The following NRXN1 variants were observed in gnomAD, a reference collection of about 807,000 sequenced individuals.
The protein encoded by NRXN1 is neurexin 1, also known as neurexin-1.
A neutral mutation model predicts 150.9 loss-of-function variants in NRXN1; 39 were observed. That is an observed-to-expected ratio of 0.26 (90% confidence interval 0.20 to 0.34). NRXN1 has a LOEUF of 0.34. Ranked by LOEUF, NRXN1 falls within the 10% of genes least tolerant of loss-of-function variation. NRXN1 has a pLI of 1.00. For missense variants in NRXN1, 1,815 were observed against 1,949.9 expected (o/e 0.93, Z 1.30); for synonymous variants, 924 against 757.0 (o/e 1.22, Z -3.62).
chr2:49,938,516 C>T (rs1037581078), intron 22 of NRXN1, among the ~76,000 whole-genome samples: 2 of 152,110 alleles, frequency 1.3e-5, no homozygotes, highest in African/African-American at 4.8e-5. Context: ...AATGGGTGAT[C>T]CTTTTCTTCC....
chr2:50,812,913 C>A (rs1020979621), intron 5 of NRXN1, among the ~76,000 whole-genome samples: 1 of 151,726 alleles, frequency 6.6e-6, no homozygotes, highest in African/African-American at 2.4e-5. Flanking sequence ...CTTTTGTAAT[C>A]TCAAAGCTGT....
intron 5 of NRXN1, among the ~76,000 whole-genome samples, chr2:50,837,864 G>C (rs1236126887): frequency 1.3e-5 from 2 of 152,080 alleles, no homozygotes; most frequent in Non-Finnish European, 2.9e-5. Context: ...AACTTGAATA[G>C]AAATCTATTT....
chr2:50,780,433 A>G (rs1190756836), intron 5 of NRXN1, among the ~76,000 whole-genome samples: 1 of 152,126 alleles, frequency 6.6e-6, no homozygotes, highest in Admixed American at 6.5e-5. Flanking sequence ...GTTGCCCATC[A>G]GTTTATTTTA....
chr2:50,458,131 A>C (rs1213286682), intron 17 of NRXN1, among the ~76,000 whole-genome samples: 1 of 152,174 alleles, frequency 6.6e-6, no homozygotes, highest in Non-Finnish European at 1.5e-5. Context: ...TATATATTCC[A>C]ATACGAGTTG....
chr2:50,786,038 A>T (rs1014747311), intron 5 of NRXN1, among the ~76,000 whole-genome samples: 2 of 152,092 alleles, frequency 1.3e-5, no homozygotes, highest in Non-Finnish European at 2.9e-5. Flanking sequence ...ACTGCCAAAC[A>T]TCAAGAGTGG....
chr2:50,316,651 G>C (rs2075631823), intron 17 of NRXN1, among the ~76,000 whole-genome samples: 2 of 151,992 alleles, frequency 1.3e-5, no homozygotes, highest in African/African-American at 4.8e-5. Flanking sequence ...TATTGGTACA[G>C]TTAAGTATAA....
intron 2 of NRXN1, among the ~76,000 whole-genome samples, chr2:50,988,365 A>C (rs1698033827): frequency 6.6e-6 from 1 of 151,988 alleles, no homozygotes; most frequent in African/African-American, 2.4e-5. Context: ...CCAAAAAGGG[A>C]CTTGTGATGA....
chr2:50,552,268 T>A (rs995639844), intron 9 of NRXN1, among the ~76,000 whole-genome samples: 3 of 152,166 alleles, frequency 2.0e-5, no homozygotes, highest in Admixed American at 6.5e-5. Context: ...AAACTGGGAA[T>A]AGAAAAACTT....
intron 18 of NRXN1, among the ~76,000 whole-genome samples, chr2:50,150,951 C>A (rs1274914918): frequency 6.6e-6 from 1 of 151,712 alleles, no homozygotes; most frequent in Non-Finnish European, 1.5e-5. Context: ...CTATTCCCAT[C>A]TTTATCCTGG....
intron 17 of NRXN1, among the ~76,000 whole-genome samples, chr2:50,303,277 C>A (rs1003517765): frequency 6.6e-6 from 1 of 152,144 alleles, no homozygotes; most frequent in African/African-American, 2.4e-5. Context: ...GCATTGGATA[C>A]ATACCTCACA....
At chr2:50,084,023 G>C (rs1698382241) in intron 19 of NRXN1, among the ~76,000 whole-genome samples, 1 of 152,016 alleles carries the variant, frequency 6.6e-6, no homozygotes. Context: ...GATTCTCCAA[G>C]TCCCCACCAG....
intron 18 of NRXN1, among the ~76,000 whole-genome samples, chr2:50,165,193 G>C (rs61033675): frequency 0.014 from 2,102 of 152,260 alleles, 61 homozygotes; most frequent in African/African-American, 0.049. Flanking sequence ...GGTGGAAGAA[G>C]AACGACAAGG....
chr2:50,576,972 T>G (rs1671531944), intron 8 of NRXN1, among the ~76,000 whole-genome samples: 1 of 152,138 alleles, frequency 6.6e-6, no homozygotes, highest in Non-Finnish European at 1.5e-5. Flanking sequence ...TTTCTGACAT[T>G]TTAATGATAA....
At chr2:50,332,306 T>C (rs551856683) in intron 17 of NRXN1, among the ~76,000 whole-genome samples, 27 of 152,202 alleles carry the variant, frequency 1.8e-4, no homozygotes, top group Non-Finnish European at 3.1e-4. Flanking sequence ...CTACAAACAT[T>C]TGAGTATCTA....
intron 5 of NRXN1, among the ~76,000 whole-genome samples, chr2:50,904,280 A>G (rs2103991435): frequency 6.6e-6 from 1 of 152,328 alleles, no homozygotes; most frequent in South Asian, 2.1e-4. Context: ...TTAAAAAATG[A>G]CATAAAATAA....
chr2:50,851,576 C>A (rs985467980), intron 5 of NRXN1, among the ~76,000 whole-genome samples: 1 of 152,060 alleles, frequency 6.6e-6, no homozygotes, highest in Non-Finnish European at 1.5e-5. Flanking sequence ...TACTCCTGTA[C>A]ATCAGGATAC....
intron 5 of NRXN1, among the ~76,000 whole-genome samples, chr2:50,782,758 A>C (rs1704529192): frequency 6.6e-6 from 1 of 152,162 alleles, no homozygotes; most frequent in South Asian, 2.1e-4. Context: ...TTTCTGGGTT[A>C]TGGCTGGTTC....
chr2:50,912,410 A>T (rs1684648337), intron 5 of NRXN1, among the ~76,000 whole-genome samples: 1 of 151,972 alleles, frequency 6.6e-6, no homozygotes, highest in Admixed American at 6.6e-5. Context: ...ACCAAAAATT[A>T]TCCCCTTGCC....
intron 21 of NRXN1, among the ~76,000 whole-genome samples, chr2:49,966,159 G>A (rs1300950153): frequency 1.3e-5 from 2 of 152,132 alleles, no homozygotes; most frequent in Non-Finnish European, 2.9e-5. Flanking sequence ...GTAACACAAG[G>A]GGAACGAGCA....
Sources: gnomAD v4.1 joint callset for allele counts (sites outside exome capture counted in the v4.1 genomes callset) on GRCh38, gnomAD v4.1.1 for gene constraint, MANE v1.5 for transcripts, NCBI Gene and HGNC (gene_info 2026-07-23, HGNC 2026-07-21) for gene names.